The following CRPPA variants were observed in gnomAD, a reference collection of about 807,000 sequenced individuals.
The protein encoded by CRPPA is CDP-L-ribitol pyrophosphorylase A.
CRPPA carries 43 observed loss-of-function variants against 52.0 expected under a neutral mutation model. That is an observed-to-expected ratio of 0.83 (90% CI 0.65 to 1.07). CRPPA has a LOEUF of 1.07. Ranked by LOEUF, CRPPA falls within the 50% of genes least tolerant of loss-of-function variation. CRPPA has a pLI of 0.00. For synonymous variants in CRPPA, 250 were observed against 203.5 expected, an observed-to-expected ratio of 1.23 and a Z score of -1.94; for missense variants, 629 against 551.7, an observed-to-expected ratio of 1.14 and a Z score of -1.40.
intron 8 of CRPPA, among the ~76,000 whole-genome samples, chr7:16,238,832 T>G (rs530956669): frequency 6.6e-6 from 1 of 152,184 alleles, no homozygotes; most frequent in African/African-American, 2.4e-5. Flanking sequence ...ATAGAAAATA[T>G]TTTTAGAAAA....
At chr7:16,292,498 C>T (rs777041123) in intron 5 of CRPPA, among the ~76,000 whole-genome samples, 1 of 151,888 alleles carries the variant, frequency 6.6e-6, no homozygotes, top group Non-Finnish European at 1.5e-5. Context: ...GAATTCAAGC[C>T]ATCTCCCCTG....
chr7:16,278,496 C>T (rs543635256), intron 5 of CRPPA, among the ~76,000 whole-genome samples: 2 of 152,286 alleles, frequency 1.3e-5, no homozygotes, highest in South Asian at 2.1e-4. Flanking sequence ...AGGATGCATT[C>T]GGAAGGGAGT....
chr7:16,176,403 A>G (rs1394551507), intron 9 of CRPPA, among the ~76,000 whole-genome samples: 2 of 152,148 alleles, frequency 1.3e-5, no homozygotes, highest in Admixed American at 6.5e-5. Flanking sequence ...ATAGATAGCA[A>G]ACAAGGACAT....
chr7:16,189,393 A>T (rs1781564396), intron 9 of CRPPA, among the ~76,000 whole-genome samples: 1 of 152,174 alleles, frequency 6.6e-6, no homozygotes, highest in Non-Finnish European at 1.5e-5. Context: ...TTCAGAATGT[A>T]CGGTGATTTC....
chr7:16,309,323 A>G (rs898731495), intron 3 of CRPPA, among the ~76,000 whole-genome samples: 8 of 152,106 alleles, frequency 5.3e-5, no homozygotes, highest in Non-Finnish European at 1.0e-4. Context: ...ATATAAAGGT[A>G]AATGACACAT....
chr7:16,306,676 C>G (rs1784920424), intron 4 of CRPPA, among the ~76,000 whole-genome samples: 1 of 152,092 alleles, frequency 6.6e-6, no homozygotes, highest in Non-Finnish European at 1.5e-5. Flanking sequence ...TCTTGGTCTT[C>G]AAATTAGGTC....
intron 8 of CRPPA, among the ~76,000 whole-genome samples, chr7:16,233,050 TA>T (rs570413128): frequency 1.3e-5 from 2 of 152,130 alleles, no homozygotes; most frequent in Non-Finnish European, 2.9e-5. Flanking sequence ...GTGATATTTT[TA>T]AAACCCCCAC....
chr7:16,294,462 C>G (rs1484059711), intron 5 of CRPPA, among the ~76,000 whole-genome samples: 6 of 61,874 alleles, frequency 9.7e-5, no homozygotes. Flanking sequence ...ATTGAACTTT[C>G]CAATTTACTT....
chr7:16,212,989 T>C (rs565086749), intron 9 of CRPPA, among the ~76,000 whole-genome samples: 23 of 152,346 alleles, frequency 1.5e-4, no homozygotes, highest in African/African-American at 3.8e-4. Context: ...ACTTTAGATA[T>C]TTTACAGGCT....
intron 9 of CRPPA, among the ~76,000 whole-genome samples, chr7:16,140,041 T>C (rs1170726679): frequency 2.0e-5 from 3 of 152,170 alleles, no homozygotes; most frequent in Non-Finnish European, 4.4e-5. Context: ...GTAAAATTAT[T>C]CTTTTTGATT....
chr7:16,257,480 T>C (rs1783674587), intron 8 of CRPPA, among the ~76,000 whole-genome samples: 1 of 152,146 alleles, frequency 6.6e-6, no homozygotes, highest in Non-Finnish European at 1.5e-5. Context: ...ATGAAAGTTA[T>C]CTTTATGGTA....
chr7:16,358,888 C>G (rs865870172), intron 3 of CRPPA, among the ~76,000 whole-genome samples: 13 of 152,064 alleles, frequency 8.5e-5, no homozygotes, highest in African/African-American at 3.1e-4. Context: ...CAAGTTTTTT[C>G]AAGATATTAA....
intron 3 of CRPPA, among the ~76,000 whole-genome samples, chr7:16,331,417 C>T (rs1785550769): frequency 6.6e-6 from 1 of 152,070 alleles, no homozygotes; most frequent in African/African-American, 2.4e-5. Context: ...TACTGCAGAT[C>T]CTTCTACCCA....
In CRPPA at chr7:16,089,406, T is replaced by C; in HGVS notation, c.*2289A>G. 1 of 356,460 alleles carries C rather than the reference T, an allele frequency of 2.8e-6. No homozygotes were observed. The highest frequency in any genetic ancestry group is 6.3e-6 in the Non-Finnish European group (1 of 157,706). The allele number at this position is 356,460 out of a possible 1,614,324, so 22.1% of individuals were successfully genotyped here. A position where few individuals can be genotyped will look rare whatever the true frequency, so the allele number is the denominator to read the frequency against. On this transcript the variant is annotated 3_prime_UTR_variant, in exon 10 of 10. Coordinates refer to ENST00000407010, the MANE Select transcript of CRPPA (RefSeq NM_001101426.4). ...CGTATATATGTATGTACATAATGTG[T>C]ATATATGTACGTACATACATATATG...
chr7:16,373,374 A>G (rs1786799941), intron 3 of CRPPA, among the ~76,000 whole-genome samples: 1 of 152,154 alleles, frequency 6.6e-6, no homozygotes, highest in African/African-American at 2.4e-5. Context: ...AAGCATGTGG[A>G]CCATTTTTAA....
intron 6 of CRPPA, among the ~76,000 whole-genome samples, chr7:16,264,489 T>C (rs1034968969): frequency 6.6e-6 from 1 of 152,202 alleles, no homozygotes; most frequent in Non-Finnish European, 1.5e-5. Context: ...ATATAAAGCA[T>C]GGATATTAGG....
intron 9 of CRPPA, among the ~76,000 whole-genome samples, chr7:16,092,650 T>C (rs1367619853): frequency 6.6e-6 from 1 of 152,158 alleles, no homozygotes; most frequent in Non-Finnish European, 1.5e-5. Flanking sequence ...CCCTCTAAAG[T>C]CTTGCCCTCT....
intron 8 of CRPPA, among the ~76,000 whole-genome samples, chr7:16,230,446 G>A (rs561652050): frequency 3.3e-5 from 5 of 151,878 alleles, no homozygotes; most frequent in Admixed American, 2.0e-4. Flanking sequence ...TCACCTCCAG[G>A]ATTTGATTTT....
At chr7:16,200,046 T>A (rs896995387) in intron 9 of CRPPA, among the ~76,000 whole-genome samples, 1 of 151,916 alleles carries the variant, frequency 6.6e-6, no homozygotes, top group African/African-American at 2.4e-5. Flanking sequence ...TTAGTAGAGA[T>A]GGGATTTTAC....
Sources: allele counts gnomAD v4.1 joint callset (sites outside exome capture counted in the v4.1 genomes callset), GRCh38; gene constraint gnomAD v4.1.1; transcripts MANE v1.5; gene names NCBI Gene and HGNC (gene_info 2026-07-23, HGNC 2026-07-21).